SFMBT1: variants seen among roughly 807,000 people sequenced by gnomAD.
The protein encoded by SFMBT1 is scm-like with four MBT domains protein 1.
A neutral mutation model predicts 108.7 loss-of-function variants in SFMBT1; 32 were observed. The ratio of observed to expected loss-of-function variants is 0.29; its 90% CI spans 0.22 to 0.40. The LOEUF (loss-of-function observed/expected upper bound fraction) is 0.40. Ranked by LOEUF, SFMBT1 falls within the 10% of genes least tolerant of loss-of-function variation. The pLI is 1.00. For missense variants in SFMBT1, 816 were observed against 1,059.6 expected (o/e 0.77, Z 3.19); for synonymous variants, 348 against 369.5 (o/e 0.94, Z 0.67).
chr3:52,995,256 A>T (rs1166505333), intron 1 of SFMBT1, among the ~76,000 whole-genome samples: 2 of 150,222 alleles, frequency 1.3e-5, no homozygotes, highest in African/African-American at 4.8e-5. Flanking sequence ...ACATGGACAA[A>T]AATGAACCTC....
chr3:52,921,814 T>G lies in SFMBT1; in HGVS notation c.1149A>C (p.Glu383Asp), dbSNP rs751442498. Residue 383 changes from glutamate to aspartate, a missense_variant, in exon 11 of 21, where the codon GAA (glutamate) becomes GAC (aspartate). Physicochemically the swap from Glu to Asp is conservative, Grantham distance 45. Around this residue, in one of 5 missense-constraint regions of SFMBT1, gnomAD observed 495 missense variants for 607.4 expected, o/e 0.81. Coordinates refer to ENST00000394752, the MANE Select transcript of SFMBT1 (RefSeq NM_016329.4). ...CCTCGAGCTTCATGTTCTCCTTAAA[T>G]TCATGTTCAGAAATTAACTAGAAAA... ...RCFPPLISEHEFKENMKLEAV... is the reference protein window; with the variant it reads ...RCFPPLISEHDFKENMKLEAV... 23 of 1,613,800 alleles carry G rather than the reference T, an allele frequency of 1.4e-5. No homozygotes were observed. The highest frequency in any genetic ancestry group is 1.5e-5 in the Non-Finnish European group (18 of 1,180,026).
chr3:52,945,083 C>T (rs943869849), intron 3 of SFMBT1, among the ~76,000 whole-genome samples: 1 of 138,316 alleles, frequency 7.2e-6, no homozygotes, highest in South Asian at 2.4e-4. Flanking sequence ...AGATTACAGT[C>T]ATGAACCACT....
chr3:52,932,995 G>C (rs1285675168), intron 5 of SFMBT1, among the ~76,000 whole-genome samples: 1 of 152,094 alleles, frequency 6.6e-6, no homozygotes, highest in African/African-American at 2.4e-5. Context: ...AAAAGTCAAA[G>C]TCAAAGTCAC....
At position 52,938,639 on chromosome 3, in the gene SFMBT1, G is replaced by GTT. The variant is rs35655166; in HGVS notation, c.365-3740_365-3739dup. On this transcript the variant is annotated intron_variant, in intron 4 of 20. Transcript: ENST00000394752. ...AGTTATATTACATGGCAATAAAGCT[G>GTT]TTTTTTTTTTTAAGACAATTAGTGG... Among the ~76,000 whole-genome samples, 1,084 of 148,490 alleles carry GTT rather than the reference G, an allele frequency of 7.3e-3. 5 individuals are homozygous for GTT. Among genetic ancestry groups the GTT allele is most frequent in the African/African-American group, 0.016 (641 of 40,570 alleles).
intron 1 of SFMBT1, among the ~76,000 whole-genome samples, chr3:53,043,882 A>G (rs1700130695): frequency 6.6e-6 from 1 of 152,170 alleles, no homozygotes; most frequent in South Asian, 2.1e-4. Flanking sequence ...TTAACCCTCA[A>G]AAGGGTCCTG....
intron 1 of SFMBT1, among the ~76,000 whole-genome samples, chr3:53,004,493 G>T (rs999913388): frequency 1.3e-4 from 19 of 149,854 alleles, no homozygotes; most frequent in African/African-American, 4.6e-4. Context: ...GGATGGTCTT[G>T]ATTCTCTTGA....
chr3:52,923,700 C>T (rs1015322956), intron 10 of SFMBT1, among the ~76,000 whole-genome samples: 6 of 151,570 alleles, frequency 4.0e-5, no homozygotes, highest in Admixed American at 1.3e-4. Flanking sequence ...TAAAGCAAAA[C>T]GACTAAGAAA....
chr3:53,040,968 A>ATTTTTTTTTTTTTTTTTTTTTTTTTTT (rs57640588), intron 1 of SFMBT1, among the ~76,000 whole-genome samples: 5 of 46,382 alleles, frequency 1.1e-4, no homozygotes, highest in East Asian at 6.6e-4. Context: ...AGACACCTGA[A>ATTTTTTTTTTTTTTTTTTTTTTTTTTT]TTTTTTTTTT....
intron 16 of SFMBT1, 137 bp from the exon 17 acceptor site, chr3:52,911,315 AAAC>A: frequency 4.0e-6 from 3 of 754,300 alleles, no homozygotes; most frequent in Middle Eastern, 3.1e-4. Flanking sequence ...AGGGCCCTGA[AAAC>A]AACAAGGAAG....
chr3:52,996,826 T>A (rs1187536464), intron 1 of SFMBT1, among the ~76,000 whole-genome samples: 1 of 150,042 alleles, frequency 6.7e-6, no homozygotes. Context: ...TCCCAGCACT[T>A]TGGGAGGCAG....
intron 1 of SFMBT1, among the ~76,000 whole-genome samples, chr3:53,011,521 C>A (rs540742230): frequency 4.6e-5 from 7 of 152,232 alleles, no homozygotes; most frequent in African/African-American, 1.7e-4. Context: ...GCAGTTAGGA[C>A]CAGCAGCAGA....
intron 6 of SFMBT1, 90 bp from the exon 7 acceptor site, chr3:52,931,125 C>T (rs1311751626): frequency 4.3e-6 from 5 of 1,162,842 alleles, no homozygotes; most frequent in Non-Finnish European, 5.1e-6. Flanking sequence ...AAAAACAAGT[C>T]ACTTTCCACT....
At chr3:53,028,626 T>C (rs1699575651) in intron 1 of SFMBT1, among the ~76,000 whole-genome samples, 1 of 151,994 alleles carries the variant, frequency 6.6e-6, no homozygotes, top group East Asian at 1.9e-4. Context: ...TGTGCTATCA[T>C]GATCATACCT....
At chr3:52,979,036 G>C (rs1438310849) in intron 1 of SFMBT1, among the ~76,000 whole-genome samples, 1 of 152,096 alleles carries the variant, frequency 6.6e-6, no homozygotes. Context: ...ACTGTGGTGA[G>C]AGTTGTACTA....
intron 17 of SFMBT1, among the ~76,000 whole-genome samples, 157 bp downstream of exon 17, chr3:52,910,843 AAAG>A (rs1702197110): frequency 6.6e-6 from 1 of 152,256 alleles, no homozygotes; most frequent in Non-Finnish European, 1.5e-5. Flanking sequence ...TATGTGACAG[AAAG>A]CATATGACCC....
At chr3:52,953,538 T>A (rs568500406) in intron 3 of SFMBT1, among the ~76,000 whole-genome samples, 2 of 152,294 alleles carry the variant, frequency 1.3e-5, no homozygotes, top group Non-Finnish European at 2.9e-5. Context: ...AAATATGTTG[T>A]CATTGACAAG....
At chr3:53,038,102 C>A (rs1270661537) in intron 1 of SFMBT1, among the ~76,000 whole-genome samples, 2 of 150,308 alleles carry the variant, frequency 1.3e-5, no homozygotes, top group Non-Finnish European at 2.9e-5. Flanking sequence ...AAAACTTTGT[C>A]TCAAAAAAAA....
In SFMBT1 at chr3:52,932,325, T is replaced by G. The variant is rs774740707; in HGVS notation, c.454-17A>C. 6.2e-7 allele frequency: 1 copy of G among 1,602,316 alleles called. No homozygotes were observed. Among genetic ancestry groups the G allele is most frequent in the Non-Finnish European group, 8.5e-7 (1 of 1,175,238 alleles). On this transcript the variant is annotated splice_polypyrimidine_tract_variant and intron_variant, in intron 5 of 20. Transcript: ENST00000394752. ...ATTACGGAGCTGTAGGATTAAAAAG[T>G]AAAACAACCCAGTAAGAGAAATTAA...
chr3:52,995,371 G>C (rs1233729959), intron 1 of SFMBT1, among the ~76,000 whole-genome samples: 2 of 150,204 alleles, frequency 1.3e-5, no homozygotes, highest in Non-Finnish European at 3.0e-5. Flanking sequence ...AAATCTTTCT[G>C]AGCTTGGACT....
Sources: allele counts gnomAD v4.1 joint callset (sites outside exome capture counted in the v4.1 genomes callset), GRCh38; gene constraint gnomAD v4.1.1; regional missense constraint gnomAD v4.1.1; transcripts MANE v1.5; gene names NCBI Gene and HGNC (gene_info 2026-07-23, HGNC 2026-07-21).